The following TYW1 variants were observed in gnomAD, a reference collection of about 807,000 sequenced individuals.
TYW1 encodes tRNA-yW synthesizing protein 1 homolog.
In TYW1, 46 loss-of-function variants were observed where a neutral mutation model predicts 96.2. The observed-to-expected ratio is 0.48, with a 90% CI of 0.38 to 0.61. The LOEUF (loss-of-function observed/expected upper bound fraction) is 0.61. Among genes scored for constraint, TYW1 ranks in the 20% least tolerant of loss-of-function variants. The pLI is 0.00. For synonymous variants in TYW1, 274 were observed against 323.0 expected (o/e 0.85, Z 1.63); for missense variants, 684 against 909.6 (o/e 0.75, Z 3.19).
chr7:67,182,134 C>G (rs2116300835), intron 13 of TYW1, among the ~76,000 whole-genome samples: 1 of 152,232 alleles, frequency 6.6e-6, no homozygotes, highest in South Asian at 2.1e-4. Flanking sequence ...CGGCCTTAAG[C>G]CATTATTAAT....
chr7:67,161,569 A>G (rs1470115692), intron 13 of TYW1, among the ~76,000 whole-genome samples: 1 of 152,072 alleles, frequency 6.6e-6, no homozygotes, highest in Non-Finnish European at 1.5e-5. Flanking sequence ...AGATTGTTTC[A>G]TTGTATGTTT....
intron 7 of TYW1, among the ~76,000 whole-genome samples, chr7:67,029,674 CT>C (rs1025540057): frequency 6.6e-6 from 1 of 151,900 alleles, no homozygotes; most frequent in African/African-American, 2.4e-5. Flanking sequence ...CCTGAAAGCA[CT>C]ATAGTTAAGA....
chr7:67,177,991 A>G (rs1799727824), intron 13 of TYW1, among the ~76,000 whole-genome samples: 1 of 122,898 alleles, frequency 8.1e-6, no homozygotes, highest in Non-Finnish European at 1.7e-5. Context: ...CTGTCTCTAC[A>G]GAAAAAAAAA....
chr7:67,163,461 T>C (rs1266070987), intron 13 of TYW1, among the ~76,000 whole-genome samples: 1 of 152,116 alleles, frequency 6.6e-6, no homozygotes, highest in Non-Finnish European at 1.5e-5. Flanking sequence ...AGATGATATC[T>C]TCCTGCACAC....
chr7:67,027,624 T>A (rs186223157), intron 7 of TYW1, among the ~76,000 whole-genome samples: 12 of 152,278 alleles, frequency 7.9e-5, no homozygotes, highest in Admixed American at 2.0e-4. Flanking sequence ...TACTATGCAA[T>A]GAACTCTTTC....
At chr7:67,002,984 T>G (rs191836132) in intron 3 of TYW1, among the ~76,000 whole-genome samples, 2 of 152,138 alleles carry the variant, frequency 1.3e-5, no homozygotes, top group East Asian at 3.9e-4. Flanking sequence ...TTGGCCAGGC[T>G]GGTCTCAAAC....
chr7:67,179,022 A>G (rs1799759945), intron 13 of TYW1, among the ~76,000 whole-genome samples: 1 of 143,472 alleles, frequency 7.0e-6, no homozygotes, highest in Non-Finnish European at 1.5e-5. Flanking sequence ...ATTCAAGGGC[A>G]AGCCGGTGGT....
At chr7:67,069,523 G>T (rs916882820) in intron 10 of TYW1, among the ~76,000 whole-genome samples, 1 of 152,196 alleles carries the variant, frequency 6.6e-6, no homozygotes, top group African/African-American at 2.4e-5. Flanking sequence ...TGGAGCATTT[G>T]AGCCCAGGGG....
rs1305245997 is a variant in TYW1 at position 66,996,889 on chromosome 7, G to A, written c.-90G>A. 1.2e-6 allele frequency: 2 copies of A among 1,602,056 alleles called. No individual in the cohort carries two copies. The highest frequency in any genetic ancestry group is 1.3e-5 in the African/African-American group (1 of 74,774). ...AGGCACTCGGTACGCCGCTAACGCG[G>A]CGAGGTAGCTCGGTGCGTCTCGCGG... On this transcript the variant is annotated 5_prime_UTR_variant, in exon 1 of 16. Coordinates refer to ENST00000359626, the MANE Select transcript of TYW1 (RefSeq NM_018264.4).
At position 67,225,576 on chromosome 7, in the gene TYW1, A is replaced by G. The variant is rs191743429; in HGVS notation, c.1978-12732A>G. Among the ~76,000 whole-genome samples, 235 of 152,276 alleles carry G rather than the reference A, an allele frequency of 1.5e-3. 2 individuals carry two copies. Among genetic ancestry groups the G allele is most frequent in the African/African-American group, 5.5e-3 (230 of 41,542 alleles). ...AATAAGAAGGGACTTGTGTATCTCC[A>G]TTTAGGTTTTGCCAGTGTTCTCTTA... On this transcript the variant is annotated intron_variant, in intron 15 of 15. Transcript: ENST00000359626.
At chr7:67,098,802 A>G (rs1797001870) in intron 12 of TYW1, 84 bp downstream of exon 12, 12 of 1,372,372 alleles carry the variant, frequency 8.7e-6, no homozygotes, top group Non-Finnish European at 3.9e-6. Flanking sequence ...ATGCAATCAA[A>G]TAGGATTTAT....
At chr7:67,098,355 G>A (rs1255102582) in intron 11 of TYW1, among the ~76,000 whole-genome samples, 186 bp from the exon 12 acceptor site, 1 of 152,234 alleles carries the variant, frequency 6.6e-6, no homozygotes, top group Non-Finnish European at 1.5e-5. Context: ...AACTAAGAAT[G>A]AGGTTACTGA....
chr7:67,224,158 G>T (rs1247068026), intron 15 of TYW1, among the ~76,000 whole-genome samples: 2 of 152,116 alleles, frequency 1.3e-5, no homozygotes, highest in East Asian at 1.9e-4. Flanking sequence ...ACAGAGTTTC[G>T]CTCTGGTTGC....
At position 67,185,784 on chromosome 7, in the gene TYW1, T is replaced by A. The variant is rs2687033; in HGVS notation, c.1809+2548T>A. 1.1e-4 allele frequency among the ~76,000 whole-genome samples: 16 copies of A among 152,324 alleles called. No homozygotes were observed. The South Asian group carries it at 2.1e-3, about 20-fold the overall frequency. On this transcript the variant is annotated intron_variant, in intron 14 of 15. Coordinates refer to ENST00000359626, the MANE Select transcript of TYW1 (RefSeq NM_018264.4). Reference sequence around the variant, plus strand: ...GTAATGGCTTTTTTAGGCAACTAATTGTCCACAAGACAAGAGAAGTGATGA... The same window carrying A: ...GTAATGGCTTTTTTAGGCAACTAATAGTCCACAAGACAAGAGAAGTGATGA...
Position 67,016,403 on chromosome 7 carries a change from C to T in TYW1, c.571-1450C>T, listed in dbSNP as rs534588088. Among the ~76,000 whole-genome samples the T allele has an allele frequency of 5.9e-5, 9 of 151,706 alleles. 1 individual carries two copies. The South Asian group carries it at 1.0e-3, about 18-fold the overall frequency. ...TCTCTACTAAAAATACAAAATTAGC[C>T]GGGCGTGGTGGTGCATGCCTGTAGT... On this transcript the variant is annotated intron_variant, in intron 5 of 15. Coordinates refer to ENST00000359626, the MANE Select transcript of TYW1 (RefSeq NM_018264.4).
chr7:67,177,216 T>C (rs557926799), intron 13 of TYW1, among the ~76,000 whole-genome samples: 4 of 152,022 alleles, frequency 2.6e-5, no homozygotes, highest in African/African-American at 9.6e-5. Context: ...AAGTCAGTTT[T>C]GGTGGATTTT....
intron 15 of TYW1, among the ~76,000 whole-genome samples, chr7:67,215,799 A>C (rs1482893712): frequency 6.6e-6 from 1 of 152,168 alleles, no homozygotes; most frequent in African/African-American, 2.4e-5. Flanking sequence ...GGCAGGAAGC[A>C]TCCAGCATGG....
At chr7:67,008,124 T>C (rs920380640) in intron 3 of TYW1, among the ~76,000 whole-genome samples, 18 of 152,038 alleles carry the variant, frequency 1.2e-4, no homozygotes, top group African/African-American at 4.3e-4. Flanking sequence ...TGTTTAGTGG[T>C]TTATCATAAA....
At chr7:67,019,066 C>T (rs1363822287) in intron 6 of TYW1, among the ~76,000 whole-genome samples, 1 of 151,804 alleles carries the variant, frequency 6.6e-6, no homozygotes, top group Non-Finnish European at 1.5e-5. Flanking sequence ...CTTTACCTCT[C>T]ACTCACTCTT....
Sources: allele counts gnomAD v4.1 joint callset (sites outside exome capture counted in the v4.1 genomes callset), GRCh38; gene constraint gnomAD v4.1.1; transcripts MANE v1.5; gene names NCBI Gene and HGNC (gene_info 2026-07-23, HGNC 2026-07-21).